THOC5: variants seen among roughly 807,000 people sequenced by gnomAD.
THOC5 encodes the protein Fms-interacting protein.
THOC5 carries 43 observed loss-of-function variants against 92.9 expected under a neutral mutation model. That is an observed-to-expected ratio of 0.46 (90% confidence interval 0.36 to 0.60). The LOEUF is 0.60. THOC5 is among the 20% of genes least tolerant of loss of function. The probability of loss-of-function intolerance (pLI) is 0.00; values close to 1 mark genes in which losing one functional copy is unlikely to be tolerated. For synonymous variants in THOC5, 296 were observed against 320.1 expected (o/e 0.92, Z 0.80); for missense variants, 659 against 849.4 (o/e 0.78, Z 2.79).
chr22:29,517,464 C>T (rs1183797055), intron 15 of THOC5, 98 bp from the exon 16 acceptor site: 3 of 1,019,206 alleles, frequency 2.9e-6, no homozygotes, highest in Non-Finnish European at 4.4e-6. Flanking sequence ...GCTCAGATGG[C>T]CCGGCCAGCT....
At chr22:29,548,887 A>C (rs1203120712) in intron 2 of THOC5, among the ~76,000 whole-genome samples, 165 bp downstream of exon 2, 1 of 152,114 alleles carries the variant, frequency 6.6e-6, no homozygotes, top group Non-Finnish European at 1.5e-5. Context: ...AGATGTGGAC[A>C]CTCAGCTTTA....
intron 6 of THOC5, among the ~76,000 whole-genome samples, chr22:29,538,801 G>GAAAA (rs1377166309): frequency 1.1e-5 from 1 of 91,962 alleles, no homozygotes; most frequent in African/African-American, 4.2e-5. Flanking sequence ...CATCTCTTTG[G>GAAAA]AAAAAAAAAA....
chr22:29,553,382 C>T (rs1383145632), intron 1 of THOC5: 2 of 152,842 alleles, frequency 1.3e-5, no homozygotes, highest in Non-Finnish European at 2.9e-5. Context: ...CCTGGCACAC[C>T]GAAGAGCACG....
At chr22:29,539,865 C>T (rs1601443320) in intron 5 of THOC5, among the ~76,000 whole-genome samples, 2 of 152,144 alleles carry the variant, frequency 1.3e-5, no homozygotes, top group Non-Finnish European at 2.9e-5. Context: ...AGGGTCTGCA[C>T]TTAAGTTCAA....
intron 17 of THOC5, 145 bp from the exon 18 acceptor site, chr22:29,512,281 C>T (rs2063240126): frequency 1.6e-6 from 1 of 641,220 alleles, no homozygotes. Context: ...ACCAACTGTT[C>T]CAGAATGTCC....
At chr22:29,525,068 T>C in intron 12 of THOC5, among the ~76,000 whole-genome samples, 1 of 151,254 alleles carries the variant, frequency 6.6e-6, no homozygotes, top group East Asian at 1.9e-4. Context: ...AGGCCAGGAG[T>C]TCAAGACCAC....
At chr22:29,539,775 A>G (rs1312207395) in intron 5 of THOC5, among the ~76,000 whole-genome samples, 2 of 152,192 alleles carry the variant, frequency 1.3e-5, no homozygotes, top group East Asian at 3.8e-4. Context: ...CTACTAGCTA[A>G]AAAGTCAAGT....
intron 17 of THOC5, chr22:29,513,814 AT>A (rs1326154913): frequency 3.3e-5 from 5 of 152,258 alleles, no homozygotes; most frequent in African/African-American, 1.2e-4. Flanking sequence ...CCTGGTCAAC[AT>A]AGCAAGTCCT....
chr22:29,537,358 C>T (rs775322077), intron 6 of THOC5, among the ~76,000 whole-genome samples: 2 of 152,180 alleles, frequency 1.3e-5, no homozygotes, highest in Non-Finnish European at 2.9e-5. Flanking sequence ...GAACCAGACT[C>T]GGCCGGGAAT....
chr22:29,539,271 G>T, intron 6 of THOC5, 59 bp downstream of exon 6: 1 of 1,567,094 alleles, frequency 6.4e-7, no homozygotes, highest in Non-Finnish European at 8.7e-7. Flanking sequence ...GCCTTATCCT[G>T]GGTCATGACA....
intron 19 of THOC5, among the ~76,000 whole-genome samples, chr22:29,509,233 G>C (rs1395038393): frequency 6.7e-6 from 1 of 148,380 alleles, no homozygotes; most frequent in Non-Finnish European, 1.5e-5. Flanking sequence ...CCGAGATCAT[G>C]CTACTACACT....
At chr22:29,511,068 AC>A in intron 19 of THOC5, 37 bp downstream of exon 19, 1 of 1,592,178 alleles carries the variant, frequency 6.3e-7, no homozygotes, top group East Asian at 2.2e-5. Flanking sequence ...GTCCCACATC[AC>A]CATGAGAAGT....
chr22:29,511,027 G>A, intron 19 of THOC5, 79 bp downstream of exon 19: 1 of 1,480,844 alleles, frequency 6.8e-7, no homozygotes, highest in Non-Finnish European at 9.2e-7. Context: ...GAAGAAGCAA[G>A]CTCTCCCCAG....
At chr22:29,543,595 C>T in intron 3 of THOC5, 53 bp from the exon 4 acceptor site, 1 of 1,402,334 alleles carries the variant, frequency 7.1e-7, no homozygotes, top group Non-Finnish European at 1.0e-6. Context: ...AGCTCAGCTT[C>T]CTTCAGTCCT....
At chr22:29,523,080 A>G (rs2063476269) in intron 12 of THOC5, among the ~76,000 whole-genome samples, 1 of 148,008 alleles carries the variant, frequency 6.8e-6, no homozygotes, top group South Asian at 2.2e-4. Flanking sequence ...CATCTCCACT[A>G]AAAATACAAA....
rs985778728 is a variant in THOC5 at position 29,520,912 on chromosome 22, G to A, written c.1277+86C>T. 2.0e-5 allele frequency: 20 copies of A among 990,310 alleles called. No individual in the cohort carries two copies. In the African/African-American group the frequency reaches 3.2e-4, roughly 16 times the overall value. 61.3% of individuals were successfully genotyped at this position (990,310 alleles called of 1,614,324 possible). A position where few individuals can be genotyped will look rare whatever the true frequency, so the allele number is the denominator to read the frequency against. ...TTTCCTATCCTCTGGGTCACCTCTG[G>A]CCCTAACAGGTCTCCAGCATTTAGC... On this transcript the variant is annotated intron_variant, in intron 13 of 19. Transcript: ENST00000490103.
At chr22:29,538,199 G>T (rs1289943376) in intron 6 of THOC5, among the ~76,000 whole-genome samples, 1 of 152,078 alleles carries the variant, frequency 6.6e-6, no homozygotes, top group East Asian at 2.0e-4. Flanking sequence ...AGCCAGGATG[G>T]TCTCGATCTC....
At position 29,536,441 on chromosome 22, in the gene THOC5, G is replaced by A. The variant is rs1307477943; in HGVS notation, c.714+183C>T. ...GGTCAATGTGTGTATATATTCCTGA[G>A]GCCAGCACTTCTTCCTCCCAGACAC... On this transcript the variant is annotated intron_variant, in intron 7 of 19. Coordinates refer to ENST00000490103, the MANE Select transcript of THOC5 (RefSeq NM_003678.5). 1.0e-5 allele frequency: 6 copies of A among 586,208 alleles called. No individual in the cohort carries two copies. The Admixed American group carries it at 1.8e-4, about 18-fold the overall frequency. The allele number at this position is 586,208 out of a possible 1,614,324, so 36.3% of individuals were successfully genotyped here.
intron 7 of THOC5, chr22:29,536,244 C>T (rs767281202): frequency 5.0e-5 from 9 of 180,478 alleles, no homozygotes; most frequent in Non-Finnish European, 1.0e-4. Flanking sequence ...AGAAGATCTG[C>T]TGAGCAGTCT....
Sources: allele counts gnomAD v4.1 joint callset (sites outside exome capture counted in the v4.1 genomes callset), GRCh38; gene constraint gnomAD v4.1.1; transcripts MANE v1.5; gene names NCBI Gene and HGNC (gene_info 2026-07-23, HGNC 2026-07-21).